The following IQCK variants were observed in gnomAD, a reference collection of about 807,000 sequenced individuals.
IQCK encodes IQ motif containing K.
In IQCK, 29 loss-of-function variants were observed where a neutral mutation model predicts 28.1. That is an observed-to-expected ratio of 1.03 (90% CI 0.77 to 1.41). The LOEUF (loss-of-function observed/expected upper bound fraction) is 1.41. IQCK is among the 40% of genes most tolerant of loss of function. The probability of loss-of-function intolerance (pLI) is 0.00; values close to 1 mark genes in which losing one functional copy is unlikely to be tolerated. For synonymous variants in IQCK, 113 were observed against 115.1 expected (o/e 0.98, Z 0.12); for missense variants, 359 against 314.7 (o/e 1.14, Z -1.07).
chr16:19,822,086 AAAAAAAAAAC>A (rs1567570844), intron 7 of IQCK, among the ~76,000 whole-genome samples: 1 of 148,170 alleles, frequency 6.7e-6, no homozygotes, highest in African/African-American at 2.5e-5. Flanking sequence ...AAAAAAAACA[AAAAAAAAAAC>A]AAAAAAAAAC....
At chr16:19,849,916 G>A (rs375350201) in intron 9 of IQCK, among the ~76,000 whole-genome samples, 2 of 152,142 alleles carry the variant, frequency 1.3e-5, no homozygotes, top group South Asian at 4.1e-4. Flanking sequence ...TGTACTCCTT[G>A]GAGACATGAT....
intron 7 of IQCK, among the ~76,000 whole-genome samples, chr16:19,808,323 C>T (rs2055858810): frequency 6.6e-6 from 1 of 152,192 alleles, no homozygotes; most frequent in Admixed American, 6.5e-5. Flanking sequence ...GCCAGGCTAT[C>T]AGCAAAACTC....
intron 6 of IQCK, among the ~76,000 whole-genome samples, chr16:19,774,361 A>G (rs113894954): frequency 1.5e-4 from 20 of 134,406 alleles, no homozygotes; most frequent in African/African-American, 4.9e-4. Flanking sequence ...CCAAGCAGGT[A>G]TGTTCCAGCT....
chr16:19,761,488 C>T (rs1597530821), intron 4 of IQCK: 1 of 447,650 alleles, frequency 2.2e-6, no homozygotes, highest in East Asian at 7.0e-5. Flanking sequence ...TTTGTAGCAT[C>T]TTTCTTCTTG....
At chr16:19,840,901 T>C (rs1375512802) in intron 9 of IQCK, among the ~76,000 whole-genome samples, 1 of 152,254 alleles carries the variant, frequency 6.6e-6, no homozygotes, top group Non-Finnish European at 1.5e-5. Flanking sequence ...GCCAAGGGCA[T>C]GAAGCACATG....
At chr16:19,724,690 G>A (rs1047898252) in intron 1 of IQCK, among the ~76,000 whole-genome samples, 7 of 151,882 alleles carry the variant, frequency 4.6e-5, no homozygotes, top group South Asian at 2.1e-4. Flanking sequence ...CACCACACCC[G>A]GCTAATTTTG....
chr16:19,803,118 TTTTTGTTTTG>T (rs1165554460), intron 7 of IQCK, among the ~76,000 whole-genome samples: 5 of 152,110 alleles, frequency 3.3e-5, no homozygotes, highest in African/African-American at 9.6e-5. Context: ...ATTGTTGGCT[TTTTTGTTTTG>T]TTTTGTTTTG....
chr16:19,733,493 T>A lies in IQCK; in HGVS notation c.247-205T>A, dbSNP rs187596583. Among the ~76,000 whole-genome samples the A allele has an allele frequency of 2.0e-5, 3 of 152,282 alleles. No individual in the cohort carries two copies. The East Asian group carries it at 5.8e-4, about 29-fold the overall frequency. On this transcript the variant is annotated intron_variant, in intron 2 of 7. Transcript: ENST00000564186. ...TGTTTACAAACGTCTCATCCACAGC[T>A]GGTCCTTCTTTTCTCTATCAGGGGT...
intron 6 of IQCK, among the ~76,000 whole-genome samples, chr16:19,770,918 T>C (rs2055311410): frequency 6.6e-6 from 1 of 152,162 alleles, no homozygotes; most frequent in Non-Finnish European, 1.5e-5. Context: ...CCATCTCTCC[T>C]GGCCTCTCTG....
exon 10 of IQCK, chr16:19,857,599 G>A: frequency 3.0e-6 from 1 of 334,852 alleles, no homozygotes; most frequent in Non-Finnish European, 5.6e-6. Context: ...CTGTAAGCTG[G>A]TATCATCATT....
At chr16:19,764,217 C>G in intron 6 of IQCK, 105 bp downstream of exon 6, 1 of 919,414 alleles carries the variant, frequency 1.1e-6, no homozygotes, top group Non-Finnish European at 1.7e-6. Context: ...CCATCCAGGA[C>G]TCTGGGCCAG....
intron 7 of IQCK, among the ~76,000 whole-genome samples, chr16:19,805,731 A>G (rs1168062658): frequency 2.0e-5 from 3 of 152,230 alleles, no homozygotes; most frequent in Admixed American, 6.5e-5. Context: ...AGCAATTCAT[A>G]GAAACCAGGC....
rs557569183 is a variant in IQCK at position 19,809,656 on chromosome 16, A to G, written c.691-17370A>G. 1.6e-3 allele frequency among the ~76,000 whole-genome samples: 242 copies of G among 152,358 alleles called. 1 individual carries two copies. The highest frequency in any genetic ancestry group is 5.5e-3 in the African/African-American group (229 of 41,588). On this transcript the variant is annotated intron_variant, in intron 7 of 7. Coordinates refer to ENST00000564186, the Ensembl canonical transcript of IQCK. ...GAGAGGTGATAGACTCCCTCATTCA[A>G]TGAGAAGCACGACAATGTTTTCAAG...
At chr16:19,819,933 G>A (rs368561775) in intron 7 of IQCK, among the ~76,000 whole-genome samples, 3 of 151,302 alleles carry the variant, frequency 2.0e-5, no homozygotes, top group African/African-American at 7.3e-5. Flanking sequence ...AGAAATAAAC[G>A]CATACCTCTG....
chr16:19,836,135 A>G (rs1417469429), intron 9 of IQCK, among the ~76,000 whole-genome samples: 1 of 152,254 alleles, frequency 6.6e-6, no homozygotes, highest in Non-Finnish European at 1.5e-5. Flanking sequence ...TTGTTTTGAT[A>G]GGACCATGGC....
chr16:19,760,734 T>C (rs1226311421), intron 4 of IQCK, among the ~76,000 whole-genome samples: 1 of 152,136 alleles, frequency 6.6e-6, no homozygotes, highest in East Asian at 1.9e-4. Flanking sequence ...TTGGATCTTG[T>C]GCAAGAAAAA....
intron 6 of IQCK, among the ~76,000 whole-genome samples, chr16:19,782,742 G>T (rs1353560344): frequency 1.3e-5 from 2 of 152,092 alleles, no homozygotes; most frequent in South Asian, 2.1e-4. Context: ...TGTGTTTTTT[G>T]ATGACACCTC....
chr16:19,802,768 TC>T (rs2055775896), intron 7 of IQCK, among the ~76,000 whole-genome samples: 1 of 152,164 alleles, frequency 6.6e-6, no homozygotes, highest in African/African-American at 2.4e-5. Flanking sequence ...AGCCTTCGAG[TC>T]TGGCTTCCTT....
At chr16:19,851,371 G>A (rs1174540513) in intron 9 of IQCK, among the ~76,000 whole-genome samples, 1 of 152,110 alleles carries the variant, frequency 6.6e-6, no homozygotes, top group Non-Finnish European at 1.5e-5. Context: ...TTCACCCCAG[G>A]TCATCCTTTC....
Sources: gnomAD v4.1 joint callset for allele counts (sites outside exome capture counted in the v4.1 genomes callset) on GRCh38, gnomAD v4.1.1 for gene constraint, MANE v1.5 for transcripts, NCBI Gene and HGNC (gene_info 2026-07-23, HGNC 2026-07-21) for gene names.